MOB3B: variants seen among roughly 807,000 people sequenced by gnomAD.
MOB3B encodes MOB kinase activator-like 2B.
In MOB3B, 7 loss-of-function variants were observed where a neutral mutation model predicts 18.7. The ratio of observed to expected loss-of-function variants is 0.37; its 90% CI spans 0.21 to 0.70. The LOEUF is 0.70. Ranked by LOEUF, MOB3B falls within the 30% of genes least tolerant of loss-of-function variation. The pLI is 0.52. For synonymous variants in MOB3B, 111 were observed against 99.9 expected (o/e 1.11, Z -0.66); for missense variants, 253 against 281.3 (o/e 0.90, Z 0.72).
At chr9:27,331,964 T>C (rs985493018) in intron 3 of MOB3B, among the ~76,000 whole-genome samples, 5 of 152,206 alleles carry the variant, frequency 3.3e-5, no homozygotes, top group South Asian at 2.1e-4. Flanking sequence ...TAATTATTAA[T>C]ACAGGAAGTT....
intron 3 of MOB3B, among the ~76,000 whole-genome samples, chr9:27,343,004 G>C (rs539531944): frequency 6.6e-6 from 1 of 151,408 alleles, no homozygotes; most frequent in South Asian, 2.1e-4. Context: ...CATTGAGAAC[G>C]GGCCATGATG....
chr9:27,512,833 G>A (rs1024099940), intron 1 of MOB3B, among the ~76,000 whole-genome samples: 1 of 151,976 alleles, frequency 6.6e-6, no homozygotes, highest in South Asian at 2.1e-4. Flanking sequence ...AGTTATCCAT[G>A]GTTTAAATCA....
chr9:27,522,262 A>AAAAAAAAG (rs1820347229), intron 1 of MOB3B, among the ~76,000 whole-genome samples: 2 of 125,988 alleles, frequency 1.6e-5, no homozygotes, highest in South Asian at 2.4e-4. Flanking sequence ...AAAAAAAAAA[A>AAAAAAAAG]AAAAGAAAAG....
chr9:27,402,372 C>T (rs1026936988), intron 2 of MOB3B, among the ~76,000 whole-genome samples: 1 of 152,146 alleles, frequency 6.6e-6, no homozygotes, highest in South Asian at 2.1e-4. Flanking sequence ...ATGCCCGGCA[C>T]AGCACTTCAC....
At chr9:27,483,863 G>A (rs1819698639) in intron 1 of MOB3B, among the ~76,000 whole-genome samples, 1 of 152,168 alleles carries the variant, frequency 6.6e-6, no homozygotes. Context: ...TGTCACAGCT[G>A]AGTGGTCCAT....
At chr9:27,490,076 A>G (rs1819792768) in intron 1 of MOB3B, among the ~76,000 whole-genome samples, 1 of 152,086 alleles carries the variant, frequency 6.6e-6, no homozygotes, top group Non-Finnish European at 1.5e-5. Flanking sequence ...TCCCCTCTGC[A>G]TTGCACACAC....
intron 3 of MOB3B, among the ~76,000 whole-genome samples, chr9:27,342,480 TC>T (rs1467582387): frequency 2.2e-5 from 3 of 134,596 alleles, no homozygotes; most frequent in South Asian, 2.6e-4. Context: ...CCTCTCCCTC[TC>T]CCCGGTCTCC....
chr9:27,345,017 T>C (rs1821011643), intron 3 of MOB3B, among the ~76,000 whole-genome samples: 2 of 152,198 alleles, frequency 1.3e-5, no homozygotes, highest in South Asian at 2.1e-4. Flanking sequence ...CCATGCTCTG[T>C]CTCTTGGTGC....
intron 1 of MOB3B, chr9:27,526,234 C>A (rs893499141): frequency 6.6e-6 from 1 of 152,114 alleles, no homozygotes; most frequent in Non-Finnish European, 1.5e-5. Flanking sequence ...CAAATTTCAG[C>A]CAAGAAGTTA....
chr9:27,434,552 C>T (rs1822466533), intron 2 of MOB3B, among the ~76,000 whole-genome samples: 1 of 152,078 alleles, frequency 6.6e-6, no homozygotes, highest in South Asian at 2.1e-4. Flanking sequence ...GCCTATATAT[C>T]CACCTGCTTG....
intron 2 of MOB3B, chr9:27,391,589 G>A (rs1265036998): frequency 1.3e-5 from 2 of 152,192 alleles, no homozygotes; most frequent in Non-Finnish European, 2.9e-5. Context: ...ACACTAAATA[G>A]CATCTCTGAG....
At chr9:27,413,884 C>T (rs1212333815) in intron 2 of MOB3B, among the ~76,000 whole-genome samples, 3 of 152,104 alleles carry the variant, frequency 2.0e-5, no homozygotes, top group African/African-American at 7.2e-5. Context: ...AAAACCAAGC[C>T]ATAGCTGGTT....
intron 2 of MOB3B, among the ~76,000 whole-genome samples, chr9:27,442,062 T>C (rs549965733): frequency 6.6e-6 from 1 of 152,328 alleles, no homozygotes; most frequent in African/African-American, 2.4e-5. Flanking sequence ...CTCAAAAATT[T>C]TTTTGTTTTG....
intron 1 of MOB3B, among the ~76,000 whole-genome samples, chr9:27,459,352 T>G (rs912601495): frequency 6.6e-6 from 1 of 152,144 alleles, no homozygotes; most frequent in African/African-American, 2.4e-5. Flanking sequence ...TGGTACTGAA[T>G]CTACTGGTCC....
chr9:27,381,421 G>A (rs987758909), intron 2 of MOB3B, among the ~76,000 whole-genome samples: 2 of 151,938 alleles, frequency 1.3e-5, no homozygotes, highest in Non-Finnish European at 2.9e-5. Flanking sequence ...GTCTGTCTCT[G>A]CCAAAAGACT....
At chr9:27,385,896 C>G (rs994453848) in intron 2 of MOB3B, among the ~76,000 whole-genome samples, 1 of 152,222 alleles carries the variant, frequency 6.6e-6, no homozygotes, top group African/African-American at 2.4e-5. Flanking sequence ...GCTTCTCATG[C>G]AAACTCAATG....
At position 27,326,816 on chromosome 9, in the gene MOB3B, C is replaced by A; in HGVS notation, c.*3771G>T. The A allele has an allele frequency of 2.7e-6, 1 of 375,584 alleles. No individual in the cohort carries two copies. Among genetic ancestry groups the A allele is most frequent in the Non-Finnish European group, 4.7e-6 (1 of 212,248 alleles). The allele number at this position is 375,584 out of a possible 1,614,324, so 23.3% of individuals were successfully genotyped here. Reference sequence around the variant, plus strand: ...TTTCTTCCTAATCATCTCTCCCTTGCACCATCACCATGAAATTTTAATACC... The same window carrying A: ...TTTCTTCCTAATCATCTCTCCCTTGAACCATCACCATGAAATTTTAATACC... On this transcript the variant is annotated 3_prime_UTR_variant, in exon 4 of 4. Transcript: ENST00000262244.
chr9:27,438,076 G>A (rs898687520), intron 2 of MOB3B, among the ~76,000 whole-genome samples: 6 of 152,178 alleles, frequency 3.9e-5, no homozygotes, highest in Admixed American at 6.5e-5. Flanking sequence ...ATTGTGGTAC[G>A]AACCAGTTTA....
intron 1 of MOB3B, among the ~76,000 whole-genome samples, chr9:27,480,037 A>G (rs1312178929): frequency 6.6e-6 from 1 of 151,408 alleles, no homozygotes; most frequent in East Asian, 1.9e-4. Context: ...AGCCTGGGCA[A>G]CAGAGCAAGA....
Sources: gnomAD v4.1 joint callset for allele counts (sites outside exome capture counted in the v4.1 genomes callset) on GRCh38, gnomAD v4.1.1 for gene constraint, MANE v1.5 for transcripts, NCBI Gene and HGNC (gene_info 2026-07-23, HGNC 2026-07-21) for gene names.